Variants in NRXN3 observed in about 807,000 individuals in gnomAD.
NRXN3 encodes the protein neurexin III.
NRXN3 carries 32 observed loss-of-function variants against 137.6 expected under a neutral mutation model. The ratio of observed to expected loss-of-function variants is 0.23; its 90% CI spans 0.18 to 0.31. NRXN3 has a LOEUF of 0.31. NRXN3 is among the 10% of genes least tolerant of loss of function. The pLI, the probability that NRXN3 is intolerant of heterozygous loss-of-function variation, is 1.00. For synonymous variants in NRXN3, 798 were observed against 784.5 expected, an observed-to-expected ratio of 1.02 and a Z score of -0.29; for missense variants, 1,574 against 2,062.5, an observed-to-expected ratio of 0.76 and a Z score of 4.59.
At chr14:78,420,147 G>A (rs1392279462) in intron 4 of NRXN3, among the ~76,000 whole-genome samples, 1 of 152,156 alleles carries the variant, frequency 6.6e-6, no homozygotes, top group Admixed American at 6.5e-5. Context: ...AGTCTAAGCA[G>A]GGGGATAAGG....
intron 3 of NRXN3, among the ~76,000 whole-genome samples, chr14:78,280,633 A>G (rs1054217026): frequency 1.3e-5 from 2 of 152,152 alleles, no homozygotes; most frequent in African/African-American, 4.8e-5. Context: ...TATGAATCCA[A>G]CCTGTGTTCC....
At chr14:79,590,126 G>T (rs751560365) in intron 16 of NRXN3, among the ~76,000 whole-genome samples, 20 of 152,100 alleles carry the variant, frequency 1.3e-4, no homozygotes, top group Non-Finnish European at 2.1e-4. Flanking sequence ...TGTCCCCACT[G>T]AAATCTCATC....
chr14:78,930,984 A>AT (rs1350996437), intron 10 of NRXN3, among the ~76,000 whole-genome samples: 1 of 152,210 alleles, frequency 6.6e-6, no homozygotes, highest in East Asian at 1.9e-4. Flanking sequence ...AAAGAAGAAA[A>AT]TGATAGAGGC....
intron 15 of NRXN3, among the ~76,000 whole-genome samples, chr14:79,182,908 A>T (rs776996142): frequency 6.6e-6 from 1 of 152,260 alleles, no homozygotes; most frequent in African/African-American, 2.4e-5. Context: ...TTTAAAAATT[A>T]TATCATTGAT....
intron 4 of NRXN3, among the ~76,000 whole-genome samples, chr14:78,449,505 C>T (rs2094500789): frequency 6.6e-6 from 1 of 152,234 alleles, no homozygotes; most frequent in Non-Finnish European, 1.5e-5. Context: ...TGAGCCACCG[C>T]ACCCAGCCTG....
chr14:78,959,312 C>T (rs992654879), intron 11 of NRXN3, among the ~76,000 whole-genome samples: 2 of 152,108 alleles, frequency 1.3e-5, no homozygotes, highest in African/African-American at 2.4e-5. Flanking sequence ...GTTCTTAATG[C>T]CATTTAAAGG....
chr14:78,929,899 G>A (rs762539837), intron 10 of NRXN3, among the ~76,000 whole-genome samples: 9 of 152,186 alleles, frequency 5.9e-5, no homozygotes, highest in Admixed American at 2.0e-4. Context: ...AAGGTATGAT[G>A]ATAAAAGCTA....
At chr14:79,774,577 C>T (rs978355591) in intron 19 of NRXN3, among the ~76,000 whole-genome samples, 2 of 152,042 alleles carry the variant, frequency 1.3e-5, no homozygotes, top group Non-Finnish European at 2.9e-5. Flanking sequence ...ATAATCAGAC[C>T]GTTAATGAAT....
chr14:78,802,568 A>G (rs1043416951), intron 8 of NRXN3, among the ~76,000 whole-genome samples: 3 of 152,228 alleles, frequency 2.0e-5, no homozygotes, highest in Non-Finnish European at 2.9e-5. Context: ...CTTGTCTGCA[A>G]GTAGGAATAA....
intron 4 of NRXN3, among the ~76,000 whole-genome samples, chr14:78,592,714 C>T (rs937485695): frequency 1.3e-5 from 2 of 152,186 alleles, no homozygotes; most frequent in Non-Finnish European, 2.9e-5. Flanking sequence ...CTGTGTGCAA[C>T]GGGCCCATTG....
intron 1 of NRXN3, among the ~76,000 whole-genome samples, chr14:78,173,412 A>G (rs1191289803): frequency 6.6e-6 from 1 of 152,012 alleles, no homozygotes; most frequent in Non-Finnish European, 1.5e-5. Flanking sequence ...CTTTGGGGGC[A>G]TGGAGAGGCA....
At chr14:78,675,950 G>C (rs1295278303) in intron 6 of NRXN3, among the ~76,000 whole-genome samples, 1 of 151,968 alleles carries the variant, frequency 6.6e-6, no homozygotes, top group Non-Finnish European at 1.5e-5. Flanking sequence ...AGTTATCTTC[G>C]ATGTTACTAT....
In NRXN3 at chr14:79,868,213, C is replaced by A. The variant is rs767617803; in HGVS notation, c.*6249C>A. On this transcript the variant is annotated 3_prime_UTR_variant, in exon 21 of 21. Transcript: ENST00000335750. The stretch of plus-strand genomic sequence containing the variant: ...AATTGGCTTTGTTACTTGATTCAGG[C>A]AGGATCAAAATTAGCTGCTATATGC... The A allele has an allele frequency of 6.6e-6, 1 of 152,118 alleles. No individual in the cohort carries two copies. The highest frequency in any genetic ancestry group is 2.4e-5 in the African/African-American group (1 of 41,418). 9.4% of individuals were successfully genotyped at this position (152,118 alleles called of 1,614,324 possible).
At chr14:78,960,538 T>G (rs2152977540) in intron 11 of NRXN3, among the ~76,000 whole-genome samples, 1 of 152,362 alleles carries the variant, frequency 6.6e-6, no homozygotes, top group South Asian at 2.1e-4. Context: ...TGTTTATCAT[T>G]TATTGTAATG....
At chr14:78,668,521 G>T (rs1204484650) in intron 6 of NRXN3, among the ~76,000 whole-genome samples, 2 of 152,122 alleles carry the variant, frequency 1.3e-5, no homozygotes, top group Non-Finnish European at 2.9e-5. Context: ...GTGGTTGGAG[G>T]GGAGTAAAGG....
chr14:78,888,115 C>T (rs1240362967), intron 10 of NRXN3, among the ~76,000 whole-genome samples: 1 of 152,002 alleles, frequency 6.6e-6, no homozygotes, highest in Non-Finnish European at 1.5e-5. Context: ...TCAGAAAGAA[C>T]ATTTGTGCCT....
chr14:78,454,121 C>T (rs1200750137), intron 4 of NRXN3, among the ~76,000 whole-genome samples: 7 of 152,142 alleles, frequency 4.6e-5, no homozygotes, highest in Non-Finnish European at 1.0e-4. Context: ...GGCACAATAC[C>T]AGATCCTGAG....
At position 79,560,504 on chromosome 14, in the gene NRXN3, C is replaced by CTTT. The variant is rs34025659; in HGVS notation, c.3444+93124_3444+93126dup. On this transcript the variant is annotated intron_variant, in intron 16 of 20. Coordinates refer to ENST00000335750, the MANE Select transcript of NRXN3 (RefSeq NM_001330195.2). ...AATTCTACAAGGACAAGATTGTAAGCTTTTTTTTTTTTTTTTTTTTTTTTG... is the reference window on the plus strand; with the variant it reads ...AATTCTACAAGGACAAGATTGTAAGCTTTTTTTTTTTTTTTTTTTTTTTTTTTG... Among the ~76,000 whole-genome samples the CTTT allele has an allele frequency of 8.2e-3, 358 of 43,730 alleles. 77 individuals are homozygous for CTTT. The highest frequency in any genetic ancestry group is 0.027 in the South Asian group (19 of 712). The allele number at this position is 43,730 out of a possible 152,430, so 28.7% of individuals were successfully genotyped here.
intron 16 of NRXN3, 134 bp downstream of exon 16, chr14:79,467,536 G>A (rs2096444778): frequency 1.3e-6 from 1 of 752,676 alleles, no homozygotes; most frequent in Non-Finnish European, 2.0e-6. Context: ...TTTCAGATGT[G>A]AACCATCATA....
Sources: gnomAD v4.1 joint callset for allele counts (sites outside exome capture counted in the v4.1 genomes callset) on GRCh38, gnomAD v4.1.1 for gene constraint, MANE v1.5 for transcripts, NCBI Gene and HGNC (gene_info 2026-07-23, HGNC 2026-07-21) for gene names.